Variants in MTMR3 observed in about 807,000 individuals in gnomAD.
The protein encoded by MTMR3 is myotubularin related protein 3.
MTMR3 carries 32 observed loss-of-function variants against 132.4 expected under a neutral mutation model. That is an observed-to-expected ratio of 0.24 (90% CI 0.18 to 0.32). The LOEUF is 0.32. MTMR3 is among the 10% of genes least tolerant of loss of function. The pLI, the probability that MTMR3 is intolerant of heterozygous loss-of-function variation, is 1.00. For synonymous variants in MTMR3, 556 were observed against 550.3 expected, an observed-to-expected ratio of 1.01 and a Z score of -0.14; for missense variants, 1,216 against 1,489.6, an observed-to-expected ratio of 0.82 and a Z score of 3.02.
intron 1 of MTMR3, among the ~76,000 whole-genome samples, chr22:29,946,543 C>T (rs925422175): frequency 4.6e-5 from 7 of 152,078 alleles, no homozygotes; most frequent in Admixed American, 2.0e-4. Context: ...AGAAAAATGT[C>T]TTATGAAGAA....
chr22:29,956,344 T>A (rs1203842395), intron 1 of MTMR3, among the ~76,000 whole-genome samples: 5 of 152,104 alleles, frequency 3.3e-5, no homozygotes, highest in Admixed American at 3.3e-4. Flanking sequence ...CGTCTCGTGT[T>A]CAAGTAATTG....
At chr22:29,931,478 A>G (rs1569010242) in intron 1 of MTMR3, among the ~76,000 whole-genome samples, 1 of 152,120 alleles carries the variant, frequency 6.6e-6, no homozygotes, top group Non-Finnish European at 1.5e-5. Context: ...CTGGAGTGCA[A>G]TGGCATGATC....
At chr22:29,966,692 T>G (rs1310729937) in intron 2 of MTMR3, among the ~76,000 whole-genome samples, 1 of 151,844 alleles carries the variant, frequency 6.6e-6, no homozygotes, top group Non-Finnish European at 1.5e-5. Flanking sequence ...GGTTAGTTCC[T>G]TAACATCTTC....
chr22:29,983,018 T>C (rs1437637038), intron 5 of MTMR3: 1 of 151,840 alleles, frequency 6.6e-6, no homozygotes, highest in Non-Finnish European at 1.5e-5. Flanking sequence ...ATCTGCTGCT[T>C]CTAAAATCCC....
At chr22:29,891,494 C>G (rs971120353) in intron 1 of MTMR3, among the ~76,000 whole-genome samples, 2 of 151,778 alleles carry the variant, frequency 1.3e-5, no homozygotes, top group Non-Finnish European at 2.9e-5. Context: ...TGCAGTGGTG[C>G]GATCTTGGCT....
At chr22:29,887,891 G>A (rs2064709941) in intron 1 of MTMR3, among the ~76,000 whole-genome samples, 1 of 151,938 alleles carries the variant, frequency 6.6e-6, no homozygotes. Flanking sequence ...AGACACAGAG[G>A]TATTGTCTTG....
chr22:30,016,390 T>C, intron 14 of MTMR3, 138 bp from the exon 15 acceptor site: 1 of 938,996 alleles, frequency 1.1e-6, no homozygotes, highest in Admixed American at 2.8e-5. Context: ...GGCTACTGCA[T>C]GGCTTACTGG....
At chr22:29,961,394 T>C (rs575193657) in intron 2 of MTMR3, among the ~76,000 whole-genome samples, 5 of 152,274 alleles carry the variant, frequency 3.3e-5, no homozygotes, top group Admixed American at 6.5e-5. Context: ...AACTGCCATA[T>C]GTATATACTG....
rs182241006 is a variant in MTMR3 at position 29,959,868 on chromosome 22, C to T, written c.-85+2780C>T. Among the ~76,000 whole-genome samples, 678 of 151,722 alleles carry T rather than the reference C, an allele frequency of 4.5e-3. 6 individuals are homozygous for T. Among genetic ancestry groups the T allele is most frequent in the African/African-American group, 0.015 (637 of 41,302 alleles). ...CGATCTCCTGGGCTCAAGTGATCCT[C>T]CCACCTCAGCCTCCTGAGTAGGTGG... is the stretch of plus-strand genomic sequence containing the variant. On this transcript the variant is annotated intron_variant, in intron 2 of 19. Transcript: ENST00000401950.
At chr22:29,974,394 G>T (rs2066592892) in intron 3 of MTMR3, among the ~76,000 whole-genome samples, 1 of 152,154 alleles carries the variant, frequency 6.6e-6, no homozygotes, top group African/African-American at 2.4e-5. Context: ...TACGTCCTTG[G>T]GGATTAAATG....
intron 1 of MTMR3, among the ~76,000 whole-genome samples, chr22:29,884,344 A>G (rs866621578): frequency 9.2e-5 from 14 of 152,320 alleles, no homozygotes; most frequent in African/African-American, 2.9e-4. Context: ...TGGTAATGCC[A>G]TAAGAGGCCT....
At chr22:29,908,878 C>T (rs1465177555) in intron 1 of MTMR3, among the ~76,000 whole-genome samples, 1 of 152,110 alleles carries the variant, frequency 6.6e-6, no homozygotes, top group Admixed American at 6.5e-5. Flanking sequence ...TTCCAAAGTG[C>T]TGTCATTTAT....
intron 1 of MTMR3, among the ~76,000 whole-genome samples, chr22:29,908,833 A>G (rs1274555769): frequency 2.0e-5 from 3 of 152,198 alleles, no homozygotes; most frequent in Admixed American, 1.3e-4. Context: ...TATTTGCTGT[A>G]TTCTTTAAAG....
chr22:29,967,947 A>ATT (rs1197882541), intron 2 of MTMR3, among the ~76,000 whole-genome samples: 5 of 119,336 alleles, frequency 4.2e-5, no homozygotes, highest in Non-Finnish European at 6.9e-5. Flanking sequence ...GTGTGTGTGT[A>ATT]TTTTTTGTTT....
chr22:29,998,666 A>G, intron 7 of MTMR3, 95 bp from the exon 8 acceptor site: 1 of 627,964 alleles, frequency 1.6e-6, no homozygotes, highest in Non-Finnish European at 2.6e-6. Flanking sequence ...ATATTTACAT[A>G]TATGTAACAT....
intron 17 of MTMR3, 43 bp downstream of exon 17, chr22:30,020,927 G>C (rs769878873): frequency 1.3e-6 from 2 of 1,511,870 alleles, no homozygotes; most frequent in Non-Finnish European, 1.8e-6. Context: ...CCAAGGAGAC[G>C]GCATGCTGAG....
chr22:29,947,343 G>T (rs905779498), intron 1 of MTMR3, among the ~76,000 whole-genome samples: 3 of 151,432 alleles, frequency 2.0e-5, no homozygotes. Context: ...TGTGTGGATT[G>T]TTTTTTTTAA....
chr22:29,998,469 C>A, intron 7 of MTMR3: 1 of 171,348 alleles, frequency 5.8e-6, no homozygotes, highest in South Asian at 1.4e-4. Flanking sequence ...GTGGTAAAAC[C>A]CCATCTCTAC....
chr22:30,009,389 C>G, intron 12 of MTMR3: 1 of 405,370 alleles, frequency 2.5e-6, no homozygotes, highest in Non-Finnish European at 4.5e-6. Context: ...GAAGAAATCT[C>G]AGCATCAAAA....
Sources: allele counts gnomAD v4.1 joint callset (sites outside exome capture counted in the v4.1 genomes callset), GRCh38; gene constraint gnomAD v4.1.1; transcripts MANE v1.5; gene names NCBI Gene and HGNC (gene_info 2026-07-23, HGNC 2026-07-21).